The following AUTS2 variants were observed in gnomAD, a reference collection of about 807,000 sequenced individuals.
The protein encoded by AUTS2 is autism susceptibility gene 2 protein.
A neutral mutation model predicts 112.4 loss-of-function variants in AUTS2; 17 were observed. That is an observed-to-expected ratio of 0.15 (90% confidence interval 0.10 to 0.23). The LOEUF is 0.23. AUTS2 is among the 10% of genes least tolerant of loss of function. The pLI is 1.00. For missense variants in AUTS2, 1,510 were observed against 1,701.6 expected (o/e 0.89, Z 1.98); for synonymous variants, 751 against 702.7 (o/e 1.07, Z -1.09).
chr7:70,279,085 A>C (rs752424175), intron 4 of AUTS2, among the ~76,000 whole-genome samples: 1 of 152,208 alleles, frequency 6.6e-6, no homozygotes, highest in Non-Finnish European at 1.5e-5. Context: ...GGGATTTTGT[A>C]TACCTTTGGG....
intron 5 of AUTS2, among the ~76,000 whole-genome samples, chr7:70,587,830 C>CT (rs1802754357): frequency 6.6e-6 from 1 of 152,190 alleles, no homozygotes; most frequent in Non-Finnish European, 1.5e-5. Context: ...GTGGTTCAAT[C>CT]TGATCATCTT....
At chr7:69,608,229 C>A (rs1373521549) in intron 1 of AUTS2, among the ~76,000 whole-genome samples, 1 of 152,130 alleles carries the variant, frequency 6.6e-6, no homozygotes, top group African/African-American at 2.4e-5. Flanking sequence ...GCACTGCACC[C>A]GGCAAGAAAT....
intron 4 of AUTS2, among the ~76,000 whole-genome samples, chr7:70,306,749 G>A (rs537557986): frequency 2.0e-5 from 3 of 152,190 alleles, no homozygotes; most frequent in South Asian, 4.1e-4. Flanking sequence ...AGGTTAAATT[G>A]TAGTTCTTTG....
At chr7:70,435,375 T>G (rs954980902) in intron 4 of AUTS2, among the ~76,000 whole-genome samples, 8 of 152,226 alleles carry the variant, frequency 5.3e-5, no homozygotes, top group Non-Finnish European at 1.0e-4. Context: ...GCTCTGAATT[T>G]CATTGAACAA....
rs1391295763 is a variant in AUTS2, at chr7:70,771,674, G to GC, written c.1830+31dup. 2.5e-6 allele frequency: 4 copies of GC among 1,599,032 alleles called. No individual in the cohort carries two copies. In the African/African-American group the frequency reaches 5.4e-5, roughly 21 times the overall value. ...GAAACCTCACAGTGAAAACACACAG[G>GC]CATGTGTCTAAGTGGCGTCCCGGGC... On this transcript the variant is annotated intron_variant, in intron 11 of 18. Coordinates refer to ENST00000342771, the MANE Select transcript of AUTS2 (RefSeq NM_015570.4).
intron 5 of AUTS2, among the ~76,000 whole-genome samples, chr7:70,525,948 GT>G: frequency 6.6e-6 from 1 of 152,330 alleles, no homozygotes; most frequent in South Asian, 2.1e-4. Flanking sequence ...GCGGGAGAGG[GT>G]TAGCTCCTGC....
chr7:70,341,625 A>G (rs1039776879), intron 4 of AUTS2, among the ~76,000 whole-genome samples: 1 of 152,264 alleles, frequency 6.6e-6, no homozygotes, highest in African/African-American at 2.4e-5. Context: ...AGATTTTTCT[A>G]ATTAGTTCTT....
intron 4 of AUTS2, among the ~76,000 whole-genome samples, chr7:70,253,672 T>C (rs1289233880): frequency 6.6e-6 from 1 of 152,192 alleles, no homozygotes; most frequent in Non-Finnish European, 1.5e-5. Context: ...GGTGAGGTTT[T>C]TCTTTTCAGA....
At chr7:70,464,581 G>A (rs1028448003) in intron 5 of AUTS2, among the ~76,000 whole-genome samples, 2 of 152,176 alleles carry the variant, frequency 1.3e-5, no homozygotes, top group African/African-American at 4.8e-5. Flanking sequence ...CTGCTAGAGG[G>A]TTGCATTCAT....
intron 5 of AUTS2, among the ~76,000 whole-genome samples, chr7:70,683,995 G>A (rs1179025640): frequency 1.3e-5 from 2 of 152,272 alleles, no homozygotes; most frequent in Non-Finnish European, 1.5e-5. Flanking sequence ...GGAATTCTAC[G>A]ACATTCTAGC....
At chr7:70,784,476 A>G (rs1330204948) in intron 15 of AUTS2, 1 of 152,842 alleles carries the variant, frequency 6.5e-6, no homozygotes, top group Admixed American at 6.5e-5. Context: ...TTCCCCTCTT[A>G]GAGAACGAAG....
At position 69,876,088 on chromosome 7, in the gene AUTS2, C is replaced by T. The variant is rs183702337; in HGVS notation, c.310-23198C>T. Among the ~76,000 whole-genome samples, 318 of 150,812 alleles carry T rather than the reference C, an allele frequency of 2.1e-3. 1 individual carries two copies. The highest frequency in any genetic ancestry group is 7.4e-3 in the African/African-American group (304 of 41,056). ...AACTTTAAAAAATATGCAGTGTGGC[C>T]AGGTGTGGTGGCTCATATCTGTAAT... On this transcript the variant is annotated intron_variant, in intron 1 of 18. Transcript: ENST00000342771.
chr7:70,088,681 C>T (rs1242312611), intron 2 of AUTS2, among the ~76,000 whole-genome samples: 3 of 151,722 alleles, frequency 2.0e-5, no homozygotes, highest in Non-Finnish European at 4.4e-5. Context: ...GGCGCGATCT[C>T]GGCTGACTGC....
At chr7:70,587,375 C>T (rs939638922) in intron 5 of AUTS2, among the ~76,000 whole-genome samples, 6 of 152,146 alleles carry the variant, frequency 3.9e-5, no homozygotes, top group African/African-American at 1.2e-4. Flanking sequence ...CCACACCTGC[C>T]CAGGAAGGGA....
intron 4 of AUTS2, chr7:70,290,626 C>G (rs1035396718): frequency 7.0e-7 from 1 of 1,418,884 alleles, no homozygotes; most frequent in African/African-American, 1.5e-5. Flanking sequence ...TTTTCATTTG[C>G]AGTGTGTTTT....
chr7:70,177,146 A>C (rs1809031671), intron 4 of AUTS2, among the ~76,000 whole-genome samples: 1 of 152,176 alleles, frequency 6.6e-6, no homozygotes, highest in Non-Finnish European at 1.5e-5. Context: ...TCTGTCAATA[A>C]ATTTTCAAAT....
chr7:70,011,160 G>T (rs1382560266), intron 2 of AUTS2, among the ~76,000 whole-genome samples: 1 of 152,140 alleles, frequency 6.6e-6, no homozygotes, highest in African/African-American at 2.4e-5. Context: ...AGCCTGAGGG[G>T]AGCCACTGAG....
intron 5 of AUTS2, among the ~76,000 whole-genome samples, chr7:70,491,561 T>C: frequency 6.9e-6 from 1 of 145,536 alleles, no homozygotes; most frequent in East Asian, 2.0e-4. Flanking sequence ...ATATATAATA[T>C]ATTATGTGTA....
chr7:69,629,073 G>A (rs1794102602), intron 1 of AUTS2, among the ~76,000 whole-genome samples: 1 of 152,138 alleles, frequency 6.6e-6, no homozygotes, highest in Non-Finnish European at 1.5e-5. Context: ...AAGTTGGTGG[G>A]GCATCACAGT....
Sources: gnomAD v4.1 joint callset for allele counts (sites outside exome capture counted in the v4.1 genomes callset) on GRCh38, gnomAD v4.1.1 for gene constraint, MANE v1.5 for transcripts, NCBI Gene and HGNC (gene_info 2026-07-23, HGNC 2026-07-21) for gene names.